Variants in LRTM3 observed in about 807,000 individuals in gnomAD.
The protein encoded by LRTM3 is leucine-rich repeat transmembrane protein 3.
chr13:102,756,673 TAAAAAAAAA>T, the LRTM3 span, among the ~76,000 whole-genome samples: 129 of 67,026 alleles, frequency 1.9e-3, 2 homozygotes, highest in South Asian at 0.017. Context: ...AAACTCTGTC[TAAAAAAAAA>T]AAAAAAAAAA....
the LRTM3 span, chr13:102,737,296 C>T: frequency 6.4e-6 from 10 of 1,551,156 alleles, no homozygotes; most frequent in Non-Finnish European, 8.7e-6. Context: ...ATTTCTGCTG[C>T]CTTAGTTGCA....
chr13:102,732,283 A>T, the LRTM3 span: 1 of 1,551,276 alleles, frequency 6.4e-7, no homozygotes, highest in Admixed American at 2.0e-5. Flanking sequence ...TTCCTGAGAC[A>T]TCTTTACTCC....
At chr13:102,739,268 C>G in the LRTM3 span, 3 of 1,549,746 alleles carry the variant, frequency 1.9e-6, no homozygotes, top group Non-Finnish European at 1.7e-6. Flanking sequence ...CAAAGTGATA[C>G]ATTTGAGGCC....
At chr13:102,745,674 CTG>C in the LRTM3 span, 2 of 1,550,908 alleles carry the variant, frequency 1.3e-6, no homozygotes, top group African/African-American at 1.4e-5. Flanking sequence ...CCAAAAATCG[CTG>C]TCTCTTTCTT....
the LRTM3 span, chr13:102,747,350 A>T: frequency 6.5e-7 from 1 of 1,550,232 alleles, no homozygotes; most frequent in South Asian, 1.2e-5. Flanking sequence ...ATTGCCTCCC[A>T]TTTTTTTCCT....
chr13:102,747,029 T>A, the LRTM3 span: 1 of 1,551,278 alleles, frequency 6.4e-7, no homozygotes. Context: ...TAGATGTGCA[T>A]CAAGTCCAAG....
the LRTM3 span, chr13:102,741,840 G>A: frequency 6.1e-5 from 94 of 1,550,144 alleles, no homozygotes; most frequent in Admixed American, 6.7e-4. Flanking sequence ...GTTCTAATTC[G>A]TGGGGCATCG....
chr13:102,731,267 A>G, the LRTM3 span: 2 of 1,551,306 alleles, frequency 1.3e-6, no homozygotes, highest in Non-Finnish European at 8.7e-7. Flanking sequence ...GTTAGGTTCT[A>G]TGGTATCAGT....
At chr13:102,739,503 A>G in the LRTM3 span, 1 of 1,550,514 alleles carries the variant, frequency 6.4e-7, no homozygotes, top group South Asian at 1.2e-5. Context: ...TTACTATGTG[A>G]TAGAGATGGT....
At chr13:102,744,819 C>A in the LRTM3 span, 1 of 1,550,606 alleles carries the variant, frequency 6.4e-7, no homozygotes, top group Non-Finnish European at 8.7e-7. Flanking sequence ...TTCTGTGCCT[C>A]CCCACCATGT....
chr13:102,744,505 AG>A, the LRTM3 span: 1 of 1,550,610 alleles, frequency 6.4e-7, no homozygotes, highest in Non-Finnish European at 8.7e-7. Flanking sequence ...CTTGCATATG[AG>A]GACTTTGTTT....
the LRTM3 span, chr13:102,742,330 C>T: frequency 6.5e-7 from 1 of 1,549,026 alleles, no homozygotes; most frequent in African/African-American, 1.4e-5. Flanking sequence ...CTGTCTTTGC[C>T]TTATCTTTAT....
At chr13:102,729,466 G>A in the LRTM3 span, 20 of 1,450,732 alleles carry the variant, frequency 1.4e-5, no homozygotes, top group South Asian at 1.6e-4. Flanking sequence ...TATGAAAAAC[G>A]GTAGTAAGGG....
chr13:102,756,841 C>G, the LRTM3 span, among the ~76,000 whole-genome samples: 1 of 152,104 alleles, frequency 6.6e-6, no homozygotes, highest in Non-Finnish European at 1.5e-5. Flanking sequence ...CCCCTAACCT[C>G]TTCTTCTCCA....
the LRTM3 span, chr13:102,733,972 T>C: frequency 1.9e-6 from 3 of 1,551,422 alleles, no homozygotes; most frequent in Non-Finnish European, 2.6e-6. Context: ...CTGTAATTCC[T>C]GGAGTGTCTT....
At chr13:102,733,304 G>T in the LRTM3 span, 835 of 1,551,344 alleles carry the variant, frequency 5.4e-4, 12 homozygotes, top group South Asian at 6.8e-3. Context: ...CACTTTGGGA[G>T]AAAACATTTT....
the LRTM3 span, chr13:102,732,240 G>A: frequency 9.0e-6 from 14 of 1,551,246 alleles, no homozygotes; most frequent in East Asian, 4.9e-5. Context: ...TGAGGTGAAC[G>A]CATGATGGAA....
chr13:102,745,239 G>C, the LRTM3 span: 1 of 1,550,838 alleles, frequency 6.4e-7, no homozygotes, highest in Non-Finnish European at 8.7e-7. Context: ...AATGCCTCCT[G>C]TTTCCTTTCT....
the LRTM3 span, chr13:102,745,364 G>A: frequency 2.9e-5 from 45 of 1,550,362 alleles, no homozygotes; most frequent in Non-Finnish European, 3.7e-5. Context: ...TTCTCTTAGC[G>A]TGTCTTTTTC....
Sources: allele counts gnomAD v4.1 joint callset (sites outside exome capture counted in the v4.1 genomes callset), GRCh38; gene constraint gnomAD v4.1.1; transcripts MANE v1.5; gene names NCBI Gene and HGNC (gene_info 2026-07-23, HGNC 2026-07-21).